ZNF439: variants seen among roughly 807,000 people sequenced by gnomAD.
ZNF439 encodes the protein zinc finger protein 439.
In ZNF439, 40 loss-of-function variants were observed where a neutral mutation model predicts 47.3. The observed-to-expected ratio is 0.85, with a 90% CI of 0.66 to 1.10. The LOEUF is 1.10. Among genes scored for constraint, ZNF439 ranks in the 50% least tolerant of loss-of-function variants. The pLI, the probability that ZNF439 is intolerant of heterozygous loss-of-function variation, is 0.00. For synonymous variants in ZNF439, 171 were observed against 198.8 expected (o/e 0.86, Z 1.18); for missense variants, 556 against 601.1 (o/e 0.93, Z 0.78).
chr19:11,851,115 A>C (rs544320583), intron 1 of ZNF439: 6 of 152,220 alleles, frequency 3.9e-5, no homozygotes, highest in Admixed American at 3.3e-4. Flanking sequence ...CTATTTAAAA[A>C]AATAAAAAAG....
At chr19:11,863,984 G>A (rs895025532) in intron 1 of ZNF439, among the ~76,000 whole-genome samples, 10 of 151,752 alleles carry the variant, frequency 6.6e-5, no homozygotes, top group African/African-American at 9.7e-5. Context: ...TTGACCTCCG[G>A]TTTTGCATTT....
At chr19:11,865,236 A>T (rs1976641611) in intron 1 of ZNF439, among the ~76,000 whole-genome samples, 1 of 152,114 alleles carries the variant, frequency 6.6e-6, no homozygotes, top group Non-Finnish European at 1.5e-5. Context: ...TGTGCTCATT[A>T]CACCTGGGTA....
rs1208608432 is a variant in ZNF439 at position 11,866,297 on chromosome 19, G to A, written c.156G>A (p.Val52=). 1.9e-6 allele frequency: 3 copies of A among 1,614,140 alleles called. No individual in the cohort carries two copies. The South Asian group carries it at 3.3e-5, about 18-fold the overall frequency. ...DISQKNLYRE[V]MLETFWNLTS... ...CCCAGAAGAATCTCTACAGGGAAGT[G>A]ATGCTGGAAACTTTCTGGAACCTGA... The change falls in exon 2 of 4, where the codon GTG becomes GTA. Residue 52 remains valine (V), a synonymous_variant. Transcript: ENST00000682736.
At chr19:11,851,142 A>C (rs947162059) in intron 1 of ZNF439, 1 of 152,176 alleles carries the variant, frequency 6.6e-6, no homozygotes, top group Non-Finnish European at 1.5e-5. Context: ...AAGAAGAAAG[A>C]AAGCTTCTCT....
intron 1 of ZNF439, among the ~76,000 whole-genome samples, chr19:11,852,592 C>T (rs1976278413): frequency 6.6e-6 from 1 of 152,184 alleles, no homozygotes; most frequent in South Asian, 2.1e-4. Context: ...TCACTGCAGC[C>T]TCCACCTCCT....
intron 1 of ZNF439, chr19:11,857,627 A>T (rs1035114747): frequency 6.6e-6 from 1 of 152,258 alleles, no homozygotes; most frequent in African/African-American, 2.4e-5. Flanking sequence ...TCTTTGGTCA[A>T]TTGCTGCGGG....
chr19:11,853,260 A>G (rs1210858745), intron 1 of ZNF439, among the ~76,000 whole-genome samples: 6 of 152,126 alleles, frequency 3.9e-5, no homozygotes, highest in African/African-American at 1.2e-4. Flanking sequence ...TTGTATTTCA[A>G]TTTGATTTCA....
chr19:11,853,643 A>G (rs1031301639), intron 1 of ZNF439, among the ~76,000 whole-genome samples: 1 of 152,080 alleles, frequency 6.6e-6, no homozygotes, highest in Non-Finnish European at 1.5e-5. Flanking sequence ...TAAACAGTTC[A>G]CTGTTTATCA....
In ZNF439 at chr19:11,848,906, C is replaced by A; in HGVS notation, c.39C>A (p.Pro13=). Residue 13 remains proline (P), a synonymous_variant, in exon 1 of 4, where the codon CCC becomes CCA. Transcript: ENST00000682736. ...CFTHRSCRED[P]GTSESREMDP... ...CTCACAGGAGCTGTAGAGAGGACCC[C>A]GGTACATCTGAAAGCCGGGAAATGG... 6.4e-7 allele frequency: 1 copy of A among 1,574,144 alleles called. No homozygotes were observed. The highest frequency in any genetic ancestry group is 8.7e-7 in the Non-Finnish European group (1 of 1,155,112).
chr19:11,848,992 G>C lies in ZNF439; in HGVS notation c.63+62G>C. ...GGGCTGCCTGGAACTGGCGGGACCC[G>C]GGCCTCCCTGTGGGCGACTCCGGGG... On this transcript the variant is annotated intron_variant, in intron 1 of 3. Transcript: ENST00000682736. 20 of 1,458,128 alleles carry C rather than the reference G, an allele frequency of 1.4e-5. No individual in the cohort carries two copies. The South Asian group carries it at 2.1e-4, about 15-fold the overall frequency. 90.3% of individuals were successfully genotyped at this position (1,458,128 alleles called of 1,614,324 possible).
In ZNF439 at chr19:11,868,438, C is replaced by G. The variant is rs149419820; in HGVS notation, c.1384C>G (p.Arg462Gly). ...ATCTGCCTCACAACTTCGAATCCATCGTAGGATTCACACTGGAGAGAAACC... is the reference window on the plus strand; with the variant it reads ...ATCTGCCTCACAACTTCGAATCCATGGTAGGATTCACACTGGAGAGAAACC... The part of the protein sequence containing the change: ...FRSASQLRIH[R>G]RIHTGEKPYE... Residue 462 changes from arginine to glycine, a missense_variant, in exon 4 of 4, where the codon CGT becomes GGT. Physicochemically the swap from Arg to Gly is moderately radical, Grantham distance 125. Coordinates refer to ENST00000682736, the MANE Select transcript of ZNF439 (RefSeq NM_001348719.2). 1 of 1,612,004 alleles carries G rather than the reference C, an allele frequency of 6.2e-7. No homozygotes were observed. Among genetic ancestry groups the G allele is most frequent in the African/African-American group, 1.3e-5 (1 of 74,220 alleles).
intron 1 of ZNF439, among the ~76,000 whole-genome samples, chr19:11,860,818 C>G (rs1976520837): frequency 6.6e-6 from 1 of 152,166 alleles, no homozygotes; most frequent in Admixed American, 6.5e-5. Context: ...TAGATAACCT[C>G]AAGCAGCACA....
chr19:11,850,109 T>G (rs1437792724), intron 1 of ZNF439: 1 of 152,322 alleles, frequency 6.6e-6, no homozygotes, highest in Non-Finnish European at 1.5e-5. Flanking sequence ...AGTCTCCTTC[T>G]GTCGCCCAGG....
chr19:11,864,146 T>G (rs1276265590), intron 1 of ZNF439, among the ~76,000 whole-genome samples: 1 of 152,168 alleles, frequency 6.6e-6, no homozygotes, highest in Admixed American at 6.5e-5. Context: ...TTTTTTGAAT[T>G]GCAGACGTGT....
In ZNF439 at chr19:11,868,305, T is replaced by C; in HGVS notation, c.1251T>C (p.Cys417=). The stretch of plus-strand genomic sequence containing the variant: ...ACACTGGAGAGAAACCCTATGAGTG[T>C]AAGCAATGTGGGAAAGCCTTCAGAT... The part of the protein sequence containing the change: ...RTHTGEKPYE[C]KQCGKAFRSA... Residue 417 remains cysteine, a synonymous_variant, in exon 4 of 4, where the codon TGT becomes TGC. Coordinates refer to ENST00000682736, the MANE Select transcript of ZNF439 (RefSeq NM_001348719.2). The C allele has an allele frequency of 6.2e-7, 1 of 1,613,582 alleles. No individual in the cohort carries two copies. The highest frequency in any genetic ancestry group is 8.5e-7 in the Non-Finnish European group (1 of 1,179,824).
chr19:11,853,431 G>A (rs1334778688), intron 1 of ZNF439, among the ~76,000 whole-genome samples: 1 of 152,160 alleles, frequency 6.6e-6, no homozygotes, highest in Non-Finnish European at 1.5e-5. Context: ...TGTTTACTGA[G>A]TAAAGGGGAT....
chr19:11,866,151 C>G, intron 1 of ZNF439, 54 bp from the exon 2 acceptor site: 3 of 1,611,726 alleles, frequency 1.9e-6, no homozygotes, highest in Non-Finnish European at 1.7e-6. Flanking sequence ...AGAGTCTAGG[C>G]CCCCAATGCT....
chr19:11,856,943 T>C (rs1976402083), intron 1 of ZNF439: 1 of 152,256 alleles, frequency 6.6e-6, no homozygotes, highest in South Asian at 2.1e-4. Context: ...CTTTTAATTG[T>C]AGCAGTTTCT....
In ZNF439 at chr19:11,868,557, A is replaced by G; in HGVS notation, c.1503A>G (p.Arg501=). ...AAACACATAAGAATGCACTCTGGAG[A>G]AAGACCTTATAAATATAAGATATAT... ...RTQTHKNALW[R]KTL Residue 501 remains arginine (R), a synonymous_variant, in exon 4 of 4, where the codon AGA becomes AGG. Coordinates refer to ENST00000682736, the MANE Select transcript of ZNF439 (RefSeq NM_001348719.2). 6.2e-7 allele frequency: 1 copy of G among 1,607,218 alleles called. No homozygotes were observed. The highest frequency in any genetic ancestry group is 8.5e-7 in the Non-Finnish European group (1 of 1,177,198).
Sources: gnomAD v4.1 joint callset for allele counts (sites outside exome capture counted in the v4.1 genomes callset) on GRCh38, gnomAD v4.1.1 for gene constraint, MANE v1.5 for transcripts, NCBI Gene and HGNC (gene_info 2026-07-23, HGNC 2026-07-21) for gene names.